The following CNTN4 variants were observed in gnomAD, a reference collection of about 807,000 sequenced individuals.
The protein encoded by CNTN4 is contactin-4.
In CNTN4, 77 loss-of-function variants were observed where a neutral mutation model predicts 122.5. That is an observed-to-expected ratio of 0.63 (90% CI 0.52 to 0.76). The LOEUF is 0.76. CNTN4 is among the 30% of genes least tolerant of loss of function. The pLI is 0.00. For synonymous variants in CNTN4, 512 were observed against 447.0 expected (o/e 1.15, Z -1.83); for missense variants, 1,256 against 1,259.1 (o/e 1.00, Z 0.04).
chr3:2,928,756 C>T (rs2094495052), intron 13 of CNTN4, among the ~76,000 whole-genome samples: 1 of 152,182 alleles, frequency 6.6e-6, no homozygotes, highest in African/African-American at 2.4e-5. Flanking sequence ...TAAACTCTTA[C>T]TTATTGACAT....
At chr3:2,629,410 TA>T (rs563587273) in intron 4 of CNTN4, 2 of 343,468 alleles carry the variant, frequency 5.8e-6, no homozygotes, top group Non-Finnish European at 1.2e-5. Flanking sequence ...CATCTAATTT[TA>T]AAAAAATACT....
intron 11 of CNTN4, among the ~76,000 whole-genome samples, chr3:2,901,231 A>T (rs2094169750): frequency 6.6e-6 from 1 of 152,368 alleles, no homozygotes; most frequent in South Asian, 2.1e-4. Flanking sequence ...AAGCAGGGGT[A>T]GAGCGGAGAC....
In CNTN4 at chr3:2,222,749, C is replaced by T. The variant is rs534479051; in HGVS notation, c.-144-116429C>T. Among the ~76,000 whole-genome samples, 460 of 152,090 alleles carry T rather than the reference C, an allele frequency of 3.0e-3. 3 individuals are homozygous for T. Among genetic ancestry groups the T allele is most frequent in the African/African-American group, 0.011 (439 of 41,508 alleles). ...AAACTTATCATTATAAATAAGCTATCGTTGGCCTTATCAAATGTGCTTCCT... is the reference window on the plus strand; with the variant it reads ...AAACTTATCATTATAAATAAGCTATTGTTGGCCTTATCAAATGTGCTTCCT... On this transcript the variant is annotated intron_variant, in intron 2 of 24. Transcript: ENST00000418658.
chr3:2,676,640 G>A lies in CNTN4; in HGVS notation c.56-59575G>A, dbSNP rs549948252. Among the ~76,000 whole-genome samples, 3 of 152,234 alleles carry A rather than the reference G, an allele frequency of 2.0e-5. No homozygotes were observed. The South Asian group carries it at 6.2e-4, about 32-fold the overall frequency. ...GAATGGATGAGCAAGAGTTGGCCAGGTAGAAAATAGCAATTCTAGGGGAAA... is the reference window on the plus strand; with the variant it reads ...GAATGGATGAGCAAGAGTTGGCCAGATAGAAAATAGCAATTCTAGGGGAAA... On this transcript the variant is annotated intron_variant, in intron 4 of 24. Coordinates refer to ENST00000418658, the MANE Select transcript of CNTN4 (RefSeq NM_175607.3).
intron 14 of CNTN4, among the ~76,000 whole-genome samples, chr3:3,023,471 A>G (rs926145626): frequency 6.6e-6 from 1 of 152,214 alleles, no homozygotes; most frequent in Non-Finnish European, 1.5e-5. Context: ...AAAGAGGTGA[A>G]CGTTTCTTTA....
In CNTN4 at chr3:2,757,356, A is replaced by G. The variant is rs559214041; in HGVS notation, c.358+11659A>G. Among the ~76,000 whole-genome samples, 5 of 152,196 alleles carry G rather than the reference A, an allele frequency of 3.3e-5. No homozygotes were observed. The South Asian group carries it at 8.3e-4, about 25-fold the overall frequency. On this transcript the variant is annotated intron_variant, in intron 6 of 24. Transcript: ENST00000418658. Reference sequence around the variant, plus strand: ...AGGGCAATGATTTGAAGTGATGCGGAGTAGTTTGTTGGCCCTGAGTCCCGC... The same window carrying G: ...AGGGCAATGATTTGAAGTGATGCGGGGTAGTTTGTTGGCCCTGAGTCCCGC...
chr3:2,333,089 C>T (rs56018124), intron 2 of CNTN4, among the ~76,000 whole-genome samples: 51,692 of 151,910 alleles, frequency 0.34, 9,756 homozygotes, highest in East Asian at 0.8. Context: ...TATGTTACAT[C>T]AAGACAACTT....
At chr3:2,704,700 T>A (rs1014457460) in intron 4 of CNTN4, among the ~76,000 whole-genome samples, 1 of 152,190 alleles carries the variant, frequency 6.6e-6, no homozygotes, top group African/African-American at 2.4e-5. Context: ...ACCATAAGAT[T>A]GACTTTTAAA....
intron 2 of CNTN4, among the ~76,000 whole-genome samples, chr3:2,302,007 C>T (rs923082154): frequency 2.6e-5 from 4 of 152,084 alleles, no homozygotes; most frequent in Admixed American, 6.6e-5. Flanking sequence ...TGCATGTGCA[C>T]GTGTGTGTGT....
intron 2 of CNTN4, among the ~76,000 whole-genome samples, chr3:2,246,208 C>T (rs974325167): frequency 6.6e-6 from 1 of 151,966 alleles, no homozygotes; most frequent in African/African-American, 2.4e-5. Context: ...ACATTCTCAT[C>T]CTGCAACTAC....
intron 4 of CNTN4, among the ~76,000 whole-genome samples, chr3:2,616,473 T>C (rs1189149457): frequency 6.6e-6 from 1 of 152,220 alleles, no homozygotes; most frequent in East Asian, 1.9e-4. Flanking sequence ...GAATGATTTA[T>C]ATTCCTTTGG....
intron 3 of CNTN4, among the ~76,000 whole-genome samples, chr3:2,567,034 T>C (rs771502770): frequency 6.6e-6 from 1 of 152,128 alleles, no homozygotes; most frequent in African/African-American, 2.4e-5. Flanking sequence ...TTTCCCTTCT[T>C]GAAAGTCATT....
At chr3:3,009,669 G>C (rs954808400) in intron 14 of CNTN4, among the ~76,000 whole-genome samples, 2 of 152,090 alleles carry the variant, frequency 1.3e-5, no homozygotes, top group Admixed American at 1.3e-4. Context: ...TCCTGACCTC[G>C]TGATCTGCCC....
rs138093272 is a variant in CNTN4 at position 2,776,968 on chromosome 3, TTTTTGTTTTG to T, written c.358+31291_358+31300del. On this transcript the variant is annotated intron_variant, in intron 6 of 24. Coordinates refer to ENST00000418658, the MANE Select transcript of CNTN4 (RefSeq NM_175607.3). ...TATTCCAGGAGAGACACCATGCATC[TTTTTGTTTTG>T]TTTTGTTTTGTTTTGTTTTTAAGAC... Among the ~76,000 whole-genome samples the T allele has an allele frequency of 1.2e-3, 184 of 151,880 alleles. 1 individual carries two copies. Among genetic ancestry groups the T allele is most frequent in the African/African-American group, 4.2e-3 (174 of 41,452 alleles).
intron 3 of CNTN4, among the ~76,000 whole-genome samples, chr3:2,569,981 A>T (rs187922195): frequency 6.6e-6 from 1 of 152,078 alleles, no homozygotes; most frequent in Admixed American, 6.6e-5. Context: ...TGATGGGCCC[A>T]GTGCTTCACC....
intron 2 of CNTN4, among the ~76,000 whole-genome samples, chr3:2,188,701 G>A (rs539992467): frequency 6.6e-6 from 1 of 152,140 alleles, no homozygotes; most frequent in Non-Finnish European, 1.5e-5. Context: ...AGTAATTAGG[G>A]CAAAGTTGCA....
chr3:2,981,181 A>C (rs1023662682), intron 13 of CNTN4, among the ~76,000 whole-genome samples: 2 of 152,158 alleles, frequency 1.3e-5, no homozygotes, highest in African/African-American at 4.8e-5. Flanking sequence ...GCGGTGGCTC[A>C]CGCCTGTAGT....
At chr3:3,027,857 C>T (rs1199919026) in intron 15 of CNTN4, among the ~76,000 whole-genome samples, 1 of 152,204 alleles carries the variant, frequency 6.6e-6, no homozygotes, top group Non-Finnish European at 1.5e-5. Flanking sequence ...AAGTCAAACA[C>T]TGATGACTAC....
chr3:2,337,800 AAAC>A (rs2044015968), intron 2 of CNTN4, among the ~76,000 whole-genome samples: 1 of 150,620 alleles, frequency 6.6e-6, no homozygotes, highest in Admixed American at 6.6e-5. Context: ...ATATTTGAAA[AAAC>A]AAAAAACTTT....
Sources: allele counts gnomAD v4.1 joint callset (sites outside exome capture counted in the v4.1 genomes callset), GRCh38; gene constraint gnomAD v4.1.1; transcripts MANE v1.5; gene names NCBI Gene and HGNC (gene_info 2026-07-23, HGNC 2026-07-21).